RALGAPA1: variants seen among roughly 807,000 people sequenced by gnomAD.
RALGAPA1 encodes the protein ral GTPase-activating protein subunit alpha-1.
RALGAPA1 carries 52 observed loss-of-function variants against 269.6 expected under a neutral mutation model. The observed-to-expected ratio is 0.19, with a 90% CI of 0.15 to 0.24. The LOEUF is 0.24. RALGAPA1 is among the 10% of genes least tolerant of loss of function. RALGAPA1 has a pLI of 1.00. For missense variants in RALGAPA1, 1,917 were observed against 3,013.9 expected (o/e 0.64, Z 8.52); for synonymous variants, 817 against 1,008.3 (o/e 0.81, Z 3.60).
At chr14:35,729,806 T>C (rs1396991380) in intron 12 of RALGAPA1, among the ~76,000 whole-genome samples, 2 of 152,136 alleles carry the variant, frequency 1.3e-5, no homozygotes. Context: ...CCCAAACTTT[T>C]GCAGATCAAT....
chr14:35,752,940 T>G (rs1405060064), intron 7 of RALGAPA1, among the ~76,000 whole-genome samples: 1 of 152,186 alleles, frequency 6.6e-6, no homozygotes, highest in African/African-American at 2.4e-5. Flanking sequence ...ATGAACCCTG[T>G]GGTACTAGAC....
intron 37 of RALGAPA1, among the ~76,000 whole-genome samples, chr14:35,579,015 T>C (rs2057768206): frequency 6.6e-6 from 1 of 152,130 alleles, no homozygotes; most frequent in Non-Finnish European, 1.5e-5. Context: ...TATAGGGTAA[T>C]GTGATAAAGT....
At chr14:35,569,200 G>A (rs1230922533) in intron 39 of RALGAPA1, among the ~76,000 whole-genome samples, 2 of 152,098 alleles carry the variant, frequency 1.3e-5, no homozygotes, top group Non-Finnish European at 2.9e-5. Flanking sequence ...AAACTACCAA[G>A]TTAAGATAAT....
At chr14:35,710,110 A>G (rs1031592426) in intron 16 of RALGAPA1, among the ~76,000 whole-genome samples, 7 of 152,120 alleles carry the variant, frequency 4.6e-5, no homozygotes, top group African/African-American at 1.4e-4. Flanking sequence ...GGATCTGTCA[A>G]TTACTGATAG....
chr14:35,625,544 C>T, intron 34 of RALGAPA1, 112 bp from the exon 35 acceptor site: 1 of 690,192 alleles, frequency 1.4e-6, no homozygotes, highest in Non-Finnish European at 2.4e-6. Context: ...CTTGCCTTTT[C>T]ATACTTCTAA....
At chr14:35,801,553 C>T (rs1315683828) in intron 1 of RALGAPA1, among the ~76,000 whole-genome samples, 1 of 152,128 alleles carries the variant, frequency 6.6e-6, no homozygotes, top group African/African-American at 2.4e-5. Flanking sequence ...TAAGCATGAG[C>T]CACCATGCCT....
At chr14:35,775,767 C>T (rs763548181) in intron 1 of RALGAPA1, 22 bp from the exon 2 acceptor site, 1 of 1,521,236 alleles carries the variant, frequency 6.6e-7, no homozygotes, top group South Asian at 1.3e-5. Flanking sequence ...AAAAAAATTA[C>T]TGATTATTTA....
intron 35 of RALGAPA1, among the ~76,000 whole-genome samples, chr14:35,624,156 C>CA (rs377171729): frequency 0.095 from 2,056 of 21,630 alleles, 82 homozygotes; most frequent in Middle Eastern, 0.12. Flanking sequence ...TAATACAACG[C>CA]AAAAAAAAAA....
chr14:35,725,332 C>T (rs753995755), intron 13 of RALGAPA1, among the ~76,000 whole-genome samples, 179 bp from the exon 14 acceptor site: 1 of 152,162 alleles, frequency 6.6e-6, no homozygotes, highest in African/African-American at 2.4e-5. Context: ...TATGTATCTA[C>T]ATCAATCATT....
chr14:35,624,914 G>T (rs1267052432), intron 35 of RALGAPA1, among the ~76,000 whole-genome samples: 1 of 152,094 alleles, frequency 6.6e-6, no homozygotes, highest in Admixed American at 6.5e-5. Flanking sequence ...AAACAAGCCA[G>T]GCGCGGTGGC....
intron 24 of RALGAPA1, among the ~76,000 whole-genome samples, 161 bp from the exon 25 acceptor site, chr14:35,673,183 T>A (rs780144859): frequency 6.6e-6 from 1 of 152,214 alleles, no homozygotes; most frequent in Non-Finnish European, 1.5e-5. Context: ...ATTATCATCA[T>A]CCAAAATGAT....
intron 31 of RALGAPA1, among the ~76,000 whole-genome samples, chr14:35,650,966 TTAAAC>T (rs35476743): frequency 0.021 from 3,257 of 151,978 alleles, 168 homozygotes; most frequent in African/African-American, 0.076. Flanking sequence ...CATGTGAACT[TTAAAC>T]TAAATTTAGT....
intron 35 of RALGAPA1, among the ~76,000 whole-genome samples, chr14:35,613,606 A>T (rs1370336289): frequency 6.6e-6 from 1 of 152,156 alleles, no homozygotes; most frequent in East Asian, 1.9e-4. Context: ...GTTGCTGACA[A>T]TTCTTCAGCA....
chr14:35,766,466 A>G lies in RALGAPA1; in HGVS notation c.326-3713T>C. The G allele has an allele frequency of 2.6e-6, 4 of 1,522,876 alleles. No individual in the cohort carries two copies. In the South Asian group the frequency reaches 4.6e-5, roughly 17 times the overall value. The allele number at this position is 1,522,876 out of a possible 1,614,324, so 94.3% of individuals were successfully genotyped here. On this transcript the variant is annotated intron_variant, in intron 4 of 41. Coordinates refer to ENST00000680220, the MANE Select transcript of RALGAPA1 (RefSeq NM_001346249.2). ...ACCTCTTTGAGTCTGAGGGGGCCAA[A>G]GCAATTGAAGTATCCTTTTCTCACA...
chr14:35,617,705 GAAAC>G (rs2060352291), intron 35 of RALGAPA1, among the ~76,000 whole-genome samples: 1 of 141,784 alleles, frequency 7.1e-6, no homozygotes, highest in African/African-American at 2.6e-5. Context: ...AATAAAGTAT[GAAAC>G]AAAGATAAAT....
At chr14:35,641,077 G>T (rs2061997358) in intron 31 of RALGAPA1, among the ~76,000 whole-genome samples, 1 of 151,848 alleles carries the variant, frequency 6.6e-6, no homozygotes, top group Admixed American at 6.6e-5. Flanking sequence ...AAAAAAACTG[G>T]GAAGGAACAC....
intron 10 of RALGAPA1, among the ~76,000 whole-genome samples, chr14:35,745,530 T>G (rs1345033137): frequency 7.4e-6 from 1 of 135,972 alleles, no homozygotes; most frequent in East Asian, 2.3e-4. Flanking sequence ...CTTTGAGAGG[T>G]TGAGGCGGGC....
chr14:35,680,503 C>T (rs1439417594), intron 21 of RALGAPA1, among the ~76,000 whole-genome samples: 2 of 152,174 alleles, frequency 1.3e-5, no homozygotes, highest in Non-Finnish European at 2.9e-5. Context: ...AGCCACCACA[C>T]CAAGCCAAGA....
At chr14:35,721,043 T>C (rs1376077889) in intron 16 of RALGAPA1, among the ~76,000 whole-genome samples, 1 of 152,208 alleles carries the variant, frequency 6.6e-6, no homozygotes, top group Non-Finnish European at 1.5e-5. Flanking sequence ...CTTTTTCTAC[T>C]ATAATTCAGC....
Sources: allele counts gnomAD v4.1 joint callset (sites outside exome capture counted in the v4.1 genomes callset), GRCh38; gene constraint gnomAD v4.1.1; transcripts MANE v1.5; gene names NCBI Gene and HGNC (gene_info 2026-07-23, HGNC 2026-07-21).